The following FST variants were observed in gnomAD, a reference collection of about 807,000 sequenced individuals.
FST encodes the protein activin-binding protein.
A neutral mutation model predicts 38.4 loss-of-function variants in FST; 6 were observed. The observed-to-expected ratio is 0.16, with a 90% CI of 0.09 to 0.31. The LOEUF (loss-of-function observed/expected upper bound fraction) is 0.31. Ranked by LOEUF, FST falls within the 10% of genes least tolerant of loss-of-function variation. The pLI is 1.00. For missense variants in FST, 301 were observed against 432.3 expected (o/e 0.70, Z 2.69); for synonymous variants, 157 against 169.8 (o/e 0.92, Z 0.59).
intron 4 of FST, among the ~76,000 whole-genome samples, chr5:53,484,509 A>C (rs530165055): frequency 6.6e-5 from 10 of 152,348 alleles, no homozygotes; most frequent in African/African-American, 2.4e-4. Context: ...AGCAGGAAGC[A>C]AGGAACAGTA....
chr5:53,482,580 T>G (rs1579762393), intron 1 of FST: 1 of 431,728 alleles, frequency 2.3e-6, no homozygotes, highest in East Asian at 3.7e-5. Context: ...TGTGTCTGGG[T>G]CACTGGTAAC....
Position 53,486,087 on chromosome 5 carries a change from AAAAAAAG to A in FST, c.*60_*66del. 1 of 936,374 alleles carries A rather than the reference AAAAAAAG, an allele frequency of 1.1e-6. No homozygotes were observed. Among genetic ancestry groups the A allele is most frequent in the East Asian group, 2.6e-5 (1 of 37,890 alleles). 58.0% of individuals were successfully genotyped at this position (936,374 alleles called of 1,614,324 possible). On this transcript the variant is annotated 3_prime_UTR_variant, in exon 6 of 6. Transcript: ENST00000256759. ...AGCCTTTGTGCAAAAAAAAAAAAAA[AAAAAAAG>A]AAAAAGAAAAAAAGAAAAATATATT...
chr5:53,485,211 C>G lies in FST; in HGVS notation c.936C>G (p.His312Gln). Reference sequence around the variant, plus strand: ...CAGGTGTGCTACTGGAAGTAAAGCACTCCGGATCTTGCAACTGTAAGTGCG... The same window carrying G: ...CAGGTGTGCTACTGGAAGTAAAGCAGTCCGGATCTTGCAACTGTAAGTGCG... ...CSSGVLLEVK[H>Q]SGSCNSISED... The change falls in exon 5 of 6, where the codon CAC becomes CAG. Residue 312 changes from histidine (H) to glutamine (Q), a missense_variant. His to Gln is a conservative substitution (Grantham distance 24). Coordinates refer to ENST00000256759, the MANE Select transcript of FST (RefSeq NM_013409.3). 1 of 1,595,032 alleles carries G rather than the reference C, an allele frequency of 6.3e-7. No homozygotes were observed. The highest frequency in any genetic ancestry group is 8.6e-7 in the Non-Finnish European group (1 of 1,162,864).
At chr5:53,485,672 T>C in intron 5 of FST, 1 of 1,564,458 alleles carries the variant, frequency 6.4e-7, no homozygotes, top group Admixed American at 1.7e-5. Context: ...AAGAGCGCTT[T>C]TTATCTAATT....
At chr5:53,481,663 A>G (rs1747222875) in intron 1 of FST, among the ~76,000 whole-genome samples, 1 of 152,108 alleles carries the variant, frequency 6.6e-6, no homozygotes, top group African/African-American at 2.4e-5. Flanking sequence ...AGATTTGTTT[A>G]TTTCAATTAG....
chr5:53,480,912 G>A (rs755960994), intron 1 of FST, 36 bp downstream of exon 1: 1 of 1,219,720 alleles, frequency 8.2e-7, no homozygotes, highest in Non-Finnish European at 1.2e-6. Context: ...AGGCTTGGCT[G>A]AGGACAGGGG....
At position 53,483,849 on chromosome 5, in the gene FST, T is replaced by A; in HGVS notation, c.496+127T>A. The A allele has an allele frequency of 1.4e-6, 1 of 728,326 alleles. No homozygotes were observed. The highest frequency in any genetic ancestry group is 2.3e-6 in the Non-Finnish European group (1 of 434,992). 45.1% of individuals were successfully genotyped at this position (728,326 alleles called of 1,614,324 possible). ...AGTAAGAGCCTGATAATAGTAATACTGAAACCAAATAAAGGAGTCCTTTTC... is the reference window on the plus strand; with the variant it reads ...AGTAAGAGCCTGATAATAGTAATACAGAAACCAAATAAAGGAGTCCTTTTC... On this transcript the variant is annotated intron_variant, in intron 3 of 5. Transcript: ENST00000256759. This position sits in a 1 kb window ranked among gnomAD's most constrained non-coding sequence, Gnocchi z 4.1.
intron 1 of FST, among the ~76,000 whole-genome samples, chr5:53,481,588 C>T (rs1406811639): frequency 6.6e-6 from 1 of 151,758 alleles, no homozygotes; most frequent in Non-Finnish European, 1.5e-5. Context: ...CAGTGAGCAG[C>T]CCATAACTGA....
intron 4 of FST, 178 bp downstream of exon 4, chr5:53,484,471 GA>G: frequency 5.2e-6 from 1 of 193,268 alleles, no homozygotes; most frequent in African/African-American, 2.4e-5. Context: ...TTGTCTTCTG[GA>G]GGCATTGACA....
Position 53,482,432 on chromosome 5 carries a change from T to G in FST, c.86-448T>G, listed in dbSNP as rs76803798. 1.0e-2 allele frequency among the ~76,000 whole-genome samples: 1,515 copies of G among 152,010 alleles called. 14 individuals are homozygous for G. Among genetic ancestry groups the G allele is most frequent in the Admixed American group, 0.018 (277 of 15,268 alleles). ...CAAATAATTCCTGTACCCGCCTACATGAAACCAGCATGTAAAAACATCCGT... is the reference window on the plus strand; with the variant it reads ...CAAATAATTCCTGTACCCGCCTACAGGAAACCAGCATGTAAAAACATCCGT... On this transcript the variant is annotated intron_variant, in intron 1 of 5. Transcript: ENST00000256759.
In FST at chr5:53,483,434, C is replaced by T; in HGVS notation, c.278-70C>T. 6 of 1,257,888 alleles carry T rather than the reference C, an allele frequency of 4.8e-6. No individual in the cohort carries two copies. Among genetic ancestry groups the T allele is most frequent in the Non-Finnish European group, 5.7e-6 (5 of 870,570 alleles). The allele number at this position is 1,257,888 out of a possible 1,614,324, so 77.9% of individuals were successfully genotyped here. On this transcript the variant is annotated intron_variant, in intron 2 of 5. Transcript: ENST00000256759. The surrounding 1 kb of genome is among the most constrained non-coding windows in gnomAD (Gnocchi z 4.1). ...GGGCTGCATGATTGCGCAAGGCACC[C>T]GAAGCCCTCCTGGCTGACCTGCAGA...
chr5:53,480,844 T>A lies in FST; in HGVS notation c.53T>A (p.Leu18His). The change falls in exon 1 of 6, where the codon CTC (leucine) becomes CAC (histidine). Residue 18 changes from leucine to histidine, a missense_variant. Coordinates refer to ENST00000256759, the MANE Select transcript of FST (RefSeq NM_013409.3). The stretch of plus-strand genomic sequence containing the variant: ...GGGCTTTGCCTCCTGCTGCTGCTGC[T>A]CTGCCAGTTCATGGAGGACCGCAGT... Reference protein sequence around the residue: ...PGGLCLLLLLLCQFMEDRSAQ... With the variant: ...PGGLCLLLLLHCQFMEDRSAQ... The A allele has an allele frequency of 6.5e-7, 1 of 1,534,690 alleles. No homozygotes were observed. Among genetic ancestry groups the A allele is most frequent in the Non-Finnish European group, 8.8e-7 (1 of 1,138,420 alleles).
chr5:53,482,963 A>C lies in FST; in HGVS notation c.169A>C (p.Ser57Arg), dbSNP rs1346027011. 1.2e-6 allele frequency: 2 copies of C among 1,612,846 alleles called. No homozygotes were observed. Among genetic ancestry groups the C allele is most frequent in the Non-Finnish European group, 1.7e-6 (2 of 1,178,804 alleles). Residue 57 changes from serine to arginine, a missense_variant, in exon 2 of 6, where the codon AGC (serine) becomes CGC (arginine). Physicochemically the swap from Ser to Arg is moderately radical, Grantham distance 110. Transcript: ENST00000256759. ...KTELSKEECCSTGRLSTSWTE... is the reference protein window; with the variant it reads ...KTELSKEECCRTGRLSTSWTE... ...CGAACTGAGCAAGGAGGAGTGCTGC[A>C]GCACCGGCCGGCTGAGCACCTCGTG...
intron 5 of FST, chr5:53,485,632 A>C (rs1438492578): frequency 7.3e-6 from 8 of 1,093,096 alleles, no homozygotes; most frequent in Non-Finnish European, 1.1e-5. Context: ...ACTCTGAATT[A>C]AGGACCCAAA....
chr5:53,482,647 G>T, intron 1 of FST: 1 of 444,754 alleles, frequency 2.2e-6, no homozygotes. Context: ...CCTCCCTCTC[G>T]CCCACCTCCC....
intron 3 of FST, 39 bp from the exon 4 acceptor site, chr5:53,484,030 G>A (rs1217696136): frequency 5.7e-6 from 9 of 1,580,392 alleles, no homozygotes; most frequent in Non-Finnish European, 7.0e-6. Context: ...CTAAGGACTA[G>A]AAGGTACCTA....
At chr5:53,485,551 T>C in intron 5 of FST, 1 of 723,960 alleles carries the variant, frequency 1.4e-6, no homozygotes, top group Non-Finnish European at 2.5e-6. Context: ...CAAAAGTTTT[T>C]TTTTTTTTTT....
intron 1 of FST, 57 bp from the exon 2 acceptor site, chr5:53,482,823 T>C: frequency 9.9e-7 from 1 of 1,014,086 alleles, no homozygotes; most frequent in East Asian, 3.0e-5. Context: ...TCGCTCTCCC[T>C]GCCCTGCCAC....
chr5:53,481,939 C>T (rs973827278), intron 1 of FST, among the ~76,000 whole-genome samples: 2 of 152,254 alleles, frequency 1.3e-5, no homozygotes, highest in Non-Finnish European at 2.9e-5. Context: ...TTGTAAACTG[C>T]CCTCCTGGGC....
Sources: gnomAD v4.1 joint callset for allele counts (sites outside exome capture counted in the v4.1 genomes callset) on GRCh38, gnomAD v4.1.1 for gene constraint, Gnocchi (gnomAD v3.1) non-coding constraint, MANE v1.5 for transcripts, NCBI Gene and HGNC (gene_info 2026-07-23, HGNC 2026-07-21) for gene names.